Variants in GABBR2 observed in about 807,000 individuals in gnomAD.
The protein encoded by GABBR2 is gamma-aminobutyric acid type B receptor subunit 2.
A neutral mutation model predicts 105.6 loss-of-function variants in GABBR2; 23 were observed. The ratio of observed to expected loss-of-function variants is 0.22; its 90% confidence interval spans 0.16 to 0.31. The LOEUF (loss-of-function observed/expected upper bound fraction) is 0.31. Ranked by LOEUF, GABBR2 falls within the 10% of genes least tolerant of loss-of-function variation. The pLI, the probability that GABBR2 is intolerant of heterozygous loss-of-function variation, is 1.00. For synonymous variants in GABBR2, 478 were observed against 499.7 expected (o/e 0.96, Z 0.58); for missense variants, 734 against 1,245.5 (o/e 0.59, Z 6.18).
intron 3 of GABBR2, among the ~76,000 whole-genome samples, chr9:98,531,572 A>G (rs1346711463): frequency 6.6e-6 from 1 of 152,220 alleles, no homozygotes; most frequent in East Asian, 1.9e-4. Context: ...AGCACTAGAA[A>G]CTGGAGCCCC....
intron 9 of GABBR2, among the ~76,000 whole-genome samples, chr9:98,392,004 G>A (rs778336033): frequency 3.3e-5 from 5 of 152,050 alleles, no homozygotes; most frequent in Admixed American, 6.5e-5. Flanking sequence ...GCCAGGTGTG[G>A]ATAGAAGGCC....
intron 6 of GABBR2, among the ~76,000 whole-genome samples, chr9:98,471,827 A>T (rs1412223258): frequency 6.6e-6 from 1 of 152,236 alleles, no homozygotes; most frequent in Non-Finnish European, 1.5e-5. Context: ...GCAAAATTTG[A>T]CACCTTTAAA....
At chr9:98,322,154 C>A (rs960842613) in intron 13 of GABBR2, among the ~76,000 whole-genome samples, 1 of 152,086 alleles carries the variant, frequency 6.6e-6, no homozygotes, top group African/African-American at 2.4e-5. Context: ...TGGGCTGGCC[C>A]AGAGGGGGCA....
At chr9:98,560,564 A>G (rs879598674) in intron 2 of GABBR2, among the ~76,000 whole-genome samples, 3 of 152,048 alleles carry the variant, frequency 2.0e-5, no homozygotes, top group Admixed American at 2.0e-4. Context: ...TTTGAAAAAT[A>G]TTTAAAGAAG....
At chr9:98,525,591 C>T (rs1384918478) in intron 3 of GABBR2, among the ~76,000 whole-genome samples, 4 of 152,186 alleles carry the variant, frequency 2.6e-5, no homozygotes, top group Non-Finnish European at 5.9e-5. Flanking sequence ...TTGATGCAAA[C>T]CAGAAAATGG....
chr9:98,630,653 G>A (rs912131074), intron 1 of GABBR2, among the ~76,000 whole-genome samples: 1 of 152,112 alleles, frequency 6.6e-6, no homozygotes, highest in Non-Finnish European at 1.5e-5. Context: ...TTAGAAAATT[G>A]GGAGACCACT....
At chr9:98,308,478 C>T (rs139347529) in intron 14 of GABBR2, among the ~76,000 whole-genome samples, 1,741 of 152,218 alleles carry the variant, frequency 0.011, 22 homozygotes, top group Non-Finnish European at 0.018. Context: ...TCCTGGAAAC[C>T]GTGAATGTGA....
At chr9:98,566,664 G>A (rs1828755160) in intron 2 of GABBR2, among the ~76,000 whole-genome samples, 1 of 151,946 alleles carries the variant, frequency 6.6e-6, no homozygotes, top group Non-Finnish European at 1.5e-5. Context: ...GACAGACTGA[G>A]ACTCCGTCTC....
rs1039154643 is a variant in GABBR2 at position 98,289,570 on chromosome 9, A to G, written c.*1014T>C. Reference sequence around the variant, plus strand: ...CCCTCAGCCAGCAACTCTCTCCCCTATGTCTACGGGGATGTCTTTTAGCAG... The same window carrying G: ...CCCTCAGCCAGCAACTCTCTCCCCTGTGTCTACGGGGATGTCTTTTAGCAG... On this transcript the variant is annotated 3_prime_UTR_variant, in exon 19 of 19. Coordinates refer to ENST00000259455, the MANE Select transcript of GABBR2 (RefSeq NM_005458.8). The G allele has an allele frequency of 3.9e-5, 6 of 151,940 alleles. No homozygotes were observed. Among genetic ancestry groups the G allele is most frequent in the Admixed American group, 6.6e-5 (1 of 15,228 alleles). The allele number at this position is 151,940 out of a possible 1,614,324, so 9.4% of individuals were successfully genotyped here.
chr9:98,641,129 G>GT (rs34931575), intron 1 of GABBR2, among the ~76,000 whole-genome samples: 31 of 125,250 alleles, frequency 2.5e-4, no homozygotes, highest in Admixed American at 7.0e-4. Flanking sequence ...CTGTGGTTTG[G>GT]TTTTTTTTTT....
chr9:98,508,808 G>A (rs1827571446), intron 3 of GABBR2, among the ~76,000 whole-genome samples: 1 of 152,006 alleles, frequency 6.6e-6, no homozygotes, highest in Admixed American at 6.5e-5. Flanking sequence ...AGCTCAAGGA[G>A]GCCTGCCTGC....
intron 6 of GABBR2, among the ~76,000 whole-genome samples, chr9:98,458,470 G>A (rs571957736): frequency 7.9e-5 from 12 of 152,322 alleles, no homozygotes; most frequent in East Asian, 3.9e-4. Flanking sequence ...TTGGGAGGCC[G>A]AGGCAGGTGG....
At chr9:98,575,570 C>T (rs914051078) in intron 2 of GABBR2, among the ~76,000 whole-genome samples, 10 of 152,154 alleles carry the variant, frequency 6.6e-5, no homozygotes, top group Non-Finnish European at 8.8e-5. Context: ...AACTGAGGCT[C>T]AGGGAGGCAG....
Position 98,453,967 on chromosome 9 carries a change from G to A in GABBR2, c.1236+14C>T, listed in dbSNP as rs371682584. The A allele has an allele frequency of 6.4e-7, 1 of 1,564,856 alleles. No individual in the cohort carries two copies. Among genetic ancestry groups the A allele is most frequent in the African/African-American group, 1.4e-5 (1 of 73,950 alleles). Reference sequence around the variant, plus strand: ...GGAACACTAAGGAAAACAGCCCAGAGGCATGGGACTGACCGTGACCCCGAA... The same window carrying A: ...GGAACACTAAGGAAAACAGCCCAGAAGCATGGGACTGACCGTGACCCCGAA... On this transcript the variant is annotated intron_variant, in intron 7 of 18. Transcript: ENST00000259455.
At chr9:98,635,127 T>C (rs1011530179) in intron 1 of GABBR2, among the ~76,000 whole-genome samples, 2 of 152,218 alleles carry the variant, frequency 1.3e-5, no homozygotes, top group African/African-American at 2.4e-5. Flanking sequence ...AACCAGAATA[T>C]GCAAATGATC....
intron 13 of GABBR2, among the ~76,000 whole-genome samples, chr9:98,316,232 A>G (rs1175162151): frequency 1.3e-5 from 2 of 150,586 alleles, no homozygotes; most frequent in African/African-American, 2.4e-5. Context: ...GCTCACTGCA[A>G]CCTCTGCCTC....
At chr9:98,356,032 A>G (rs745503883) in intron 13 of GABBR2, among the ~76,000 whole-genome samples, 9 of 152,256 alleles carry the variant, frequency 5.9e-5, no homozygotes, top group Non-Finnish European at 1.3e-4. Flanking sequence ...CATAGACCTT[A>G]CACCTTTCAC....
chr9:98,524,738 A>G (rs1054091682), intron 3 of GABBR2, among the ~76,000 whole-genome samples: 2 of 152,026 alleles, frequency 1.3e-5, no homozygotes, highest in African/African-American at 4.8e-5. Flanking sequence ...GATTTTCACT[A>G]TCTAGTTCAA....
At chr9:98,604,265 C>G (rs1034845480) in intron 1 of GABBR2, among the ~76,000 whole-genome samples, 2 of 152,292 alleles carry the variant, frequency 1.3e-5, no homozygotes, top group South Asian at 4.2e-4. Flanking sequence ...TTGCTTATTC[C>G]CCCACCCAAC....
Sources: allele counts gnomAD v4.1 joint callset (sites outside exome capture counted in the v4.1 genomes callset), GRCh38; gene constraint gnomAD v4.1.1; transcripts MANE v1.5; gene names NCBI Gene and HGNC (gene_info 2026-07-23, HGNC 2026-07-21).